The following TMEM117 variants were observed in gnomAD, a reference collection of about 807,000 sequenced individuals.
TMEM117 encodes the protein transmembrane protein 117.
Under a neutral mutation model 52.4 loss-of-function variants are expected in TMEM117, and 27 were observed. That is an observed-to-expected ratio of 0.51 (90% CI 0.38 to 0.71). The LOEUF is 0.71. Ranked by LOEUF, TMEM117 falls within the 30% of genes least tolerant of loss-of-function variation. The pLI is 0.00. For missense variants in TMEM117, 556 were observed against 630.5 expected, an observed-to-expected ratio of 0.88 and a Z score of 1.26; for synonymous variants, 215 against 206.3, an observed-to-expected ratio of 1.04 and a Z score of -0.36.
chr12:44,017,286 C>T (rs1313834988), intron 3 of TMEM117, among the ~76,000 whole-genome samples: 1 of 134,132 alleles, frequency 7.5e-6, no homozygotes, highest in Non-Finnish European at 1.5e-5. Context: ...TAAAGGTTGG[C>T]ATCACTATGC....
chr12:44,207,325 T>C (rs1485421851), intron 4 of TMEM117, among the ~76,000 whole-genome samples: 1 of 152,188 alleles, frequency 6.6e-6, no homozygotes, highest in African/African-American at 2.4e-5. Context: ...CAAATATGAC[T>C]TTAGATACAG....
At chr12:43,954,545 A>C (rs1945276735) in intron 3 of TMEM117, among the ~76,000 whole-genome samples, 1 of 152,156 alleles carries the variant, frequency 6.6e-6, no homozygotes, top group Non-Finnish European at 1.5e-5. Flanking sequence ...TGGAAAATCT[A>C]GAAGAAATGG....
chr12:44,143,963 A>C (rs1043033841), intron 4 of TMEM117, among the ~76,000 whole-genome samples: 3 of 152,178 alleles, frequency 2.0e-5, no homozygotes, highest in Non-Finnish European at 1.5e-5. Flanking sequence ...GTTACAAATA[A>C]TTTTGTTTGT....
chr12:43,972,181 A>G (rs1024646814), intron 3 of TMEM117, among the ~76,000 whole-genome samples: 1 of 152,214 alleles, frequency 6.6e-6, no homozygotes, highest in Admixed American at 6.5e-5. Flanking sequence ...AGGAGATACT[A>G]TGGGAGAAGA....
chr12:44,009,874 T>A, intron 3 of TMEM117: 1 of 269,074 alleles, frequency 3.7e-6, no homozygotes, highest in Admixed American at 4.3e-5. Context: ...AACATCAATA[T>A]TTCCAAGATC....
At chr12:43,848,956 G>A (rs971657971) in intron 2 of TMEM117, among the ~76,000 whole-genome samples, 2 of 152,186 alleles carry the variant, frequency 1.3e-5, no homozygotes, top group African/African-American at 4.8e-5. Context: ...TAAGAAAGGG[G>A]AAAGGATTTG....
intron 6 of TMEM117, among the ~76,000 whole-genome samples, chr12:44,351,968 C>T (rs947396821): frequency 6.6e-6 from 1 of 151,930 alleles, no homozygotes; most frequent in African/African-American, 2.4e-5. Flanking sequence ...AATTGCATTT[C>T]CCAGCAATCG....
At chr12:43,808,384 C>T in the TMEM117 span, among the ~76,000 whole-genome samples, 1 of 152,134 alleles carries the variant, frequency 6.6e-6, no homozygotes, top group African/African-American at 2.4e-5. Context: ...TGGCTTGTGT[C>T]AAATCATTCT....
At chr12:44,229,341 CT>C in intron 5 of TMEM117, among the ~76,000 whole-genome samples, 1 of 152,114 alleles carries the variant, frequency 6.6e-6, no homozygotes, top group East Asian at 1.9e-4. Flanking sequence ...ATTGAGATGC[CT>C]ATTAAACATC....
intron 3 of TMEM117, among the ~76,000 whole-genome samples, chr12:44,045,581 C>T (rs771042132): frequency 8.5e-5 from 13 of 152,082 alleles, no homozygotes; most frequent in Non-Finnish European, 1.3e-4. Flanking sequence ...CAGTGATTCA[C>T]GCTTCTAATC....
intron 6 of TMEM117, among the ~76,000 whole-genome samples, chr12:44,336,411 A>T (rs1457387776): frequency 1.3e-5 from 2 of 152,046 alleles, no homozygotes; most frequent in African/African-American, 4.8e-5. Flanking sequence ...AGACACATAC[A>T]TCTATATATT....
At chr12:44,212,062 G>C (rs774482567) in intron 5 of TMEM117, among the ~76,000 whole-genome samples, 34 of 152,160 alleles carry the variant, frequency 2.2e-4, no homozygotes, top group Non-Finnish European at 2.5e-4. Flanking sequence ...GAAAAGTTAT[G>C]TAAACTAACA....
At chr12:44,374,637 T>TGA (rs1381610953) in intron 6 of TMEM117, among the ~76,000 whole-genome samples, 1 of 151,624 alleles carries the variant, frequency 6.6e-6, no homozygotes, top group Non-Finnish European at 1.5e-5. Flanking sequence ...TGTGTGTGTG[T>TGA]GTGTGTGTGT....
At chr12:44,251,681 G>A (rs1240409487) in intron 5 of TMEM117, among the ~76,000 whole-genome samples, 1 of 152,152 alleles carries the variant, frequency 6.6e-6, no homozygotes, top group Non-Finnish European at 1.5e-5. Context: ...AGCTGACACT[G>A]AATCTACCAA....
intron 3 of TMEM117, among the ~76,000 whole-genome samples, chr12:44,132,281 A>C (rs973821232): frequency 6.6e-6 from 1 of 151,488 alleles, no homozygotes; most frequent in African/African-American, 2.4e-5. Context: ...ACGCACACAC[A>C]CACACCCTTT....
At chr12:43,822,832 GGTTGCATT>G in the TMEM117 span, among the ~76,000 whole-genome samples, 1 of 151,800 alleles carries the variant, frequency 6.6e-6, no homozygotes, top group South Asian at 2.1e-4. Context: ...AGGAGGCAGA[GGTTGCATT>G]GCAATGAGAA....
intron 5 of TMEM117, among the ~76,000 whole-genome samples, chr12:44,265,646 A>T (rs1950368971): frequency 6.6e-6 from 1 of 152,082 alleles, no homozygotes; most frequent in Non-Finnish European, 1.5e-5. Context: ...TAAACTATAC[A>T]ATTTAGTAGC....
At chr12:43,962,006 G>A (rs1945411798) in intron 3 of TMEM117, among the ~76,000 whole-genome samples, 1 of 152,062 alleles carries the variant, frequency 6.6e-6, no homozygotes, top group Non-Finnish European at 1.5e-5. Flanking sequence ...TTATTCTTGA[G>A]GAATTGATGA....
intron 3 of TMEM117, among the ~76,000 whole-genome samples, chr12:43,994,157 C>T (rs562699065): frequency 6.6e-6 from 1 of 152,296 alleles, no homozygotes; most frequent in South Asian, 2.1e-4. Flanking sequence ...TGCCAAATTT[C>T]ATACTTGCAA....
Sources: allele counts gnomAD v4.1 joint callset (sites outside exome capture counted in the v4.1 genomes callset), GRCh38; gene constraint gnomAD v4.1.1; transcripts MANE v1.5; gene names NCBI Gene and HGNC (gene_info 2026-07-23, HGNC 2026-07-21).